Variants in RUNX2 observed in about 807,000 individuals in gnomAD.
The protein encoded by RUNX2 is RUNX family transcription factor 2.
RUNX2 carries 10 observed loss-of-function variants against 51.7 expected under a neutral mutation model. The ratio of observed to expected loss-of-function variants is 0.19; its 90% CI spans 0.12 to 0.33. The LOEUF is 0.33. Ranked by LOEUF, RUNX2 falls within the 10% of genes least tolerant of loss-of-function variation. RUNX2 has a pLI of 1.00. For synonymous variants in RUNX2, 276 were observed against 273.6 expected (o/e 1.01, Z -0.09); for missense variants, 562 against 691.3 (o/e 0.81, Z 2.10).
In RUNX2 at chr6:45,540,686, G is replaced by A. The variant is rs1260105805; in HGVS notation, c.1022-4531G>A. On this transcript the variant is annotated intron_variant, in intron 7 of 8. Coordinates refer to ENST00000647337, the MANE Select transcript of RUNX2 (RefSeq NM_001024630.4). ...TAAAGATTATGATCTTAGTGGCAGC[G>A]ATTAACCCAGGATCATAAGGAAGGA... 4.6e-5 allele frequency among the ~76,000 whole-genome samples: 7 copies of A among 152,146 alleles called. No homozygotes were observed. In the East Asian group the frequency reaches 1.2e-3, roughly 25 times the overall value.
At chr6:45,391,469 CT>C (rs1185034654) in intron 2 of RUNX2, among the ~76,000 whole-genome samples, 2 of 152,272 alleles carry the variant, frequency 1.3e-5, no homozygotes, top group South Asian at 2.1e-4. Flanking sequence ...CCAATTAAAC[CT>C]TTTTTCTTTA....
At chr6:45,369,218 A>G (rs1795641094) in intron 2 of RUNX2, among the ~76,000 whole-genome samples, 1 of 151,992 alleles carries the variant, frequency 6.6e-6, no homozygotes, top group Non-Finnish European at 1.5e-5. Flanking sequence ...AACTTTCACT[A>G]TCTCCAGAAC....
At chr6:45,382,422 G>C (rs1206301573) in intron 2 of RUNX2, among the ~76,000 whole-genome samples, 1 of 152,208 alleles carries the variant, frequency 6.6e-6, no homozygotes, top group Admixed American at 6.5e-5. Flanking sequence ...AGGAGAAATG[G>C]GGAAGATGTC....
In RUNX2 at chr6:45,545,230, C is replaced by A; in HGVS notation, c.1035C>A (p.Ala345=). The part of the protein sequence containing the change: ...VPRRISDDDT[A]TSDFCLWPST... ...CTCATTTTACAGATGATGACACTGC[C>A]ACCTCTGACTTCTGCCTCTGGCCTT... Residue 345 remains alanine, a synonymous_variant, in exon 8 of 9, where the codon GCC becomes GCA. Coordinates refer to ENST00000647337, the MANE Select transcript of RUNX2 (RefSeq NM_001024630.4). 1 of 1,549,588 alleles carries A rather than the reference C, an allele frequency of 6.5e-7. No individual in the cohort carries two copies. Among genetic ancestry groups the A allele is most frequent in the Non-Finnish European group, 8.7e-7 (1 of 1,146,720 alleles).
At position 45,404,129 on chromosome 6, in the gene RUNX2, G is replaced by A. The variant is rs142820516; in HGVS notation, c.59-18464G>A. 1.6e-3 allele frequency among the ~76,000 whole-genome samples: 237 copies of A among 151,648 alleles called. 1 individual carries two copies. The highest frequency in any genetic ancestry group is 5.1e-3 in the African/African-American group (210 of 41,334). On this transcript the variant is annotated intron_variant, in intron 2 of 8. Coordinates refer to ENST00000647337, the MANE Select transcript of RUNX2 (RefSeq NM_001024630.4). ...ACAAAAATTAGCCGGGTGCGGTGGC[G>A]TGTGCCTGTAGTCCCAGTTACTAGG...
chr6:45,420,058 A>G (rs1039445284), intron 2 of RUNX2, among the ~76,000 whole-genome samples: 2 of 151,976 alleles, frequency 1.3e-5, no homozygotes, highest in Non-Finnish European at 2.9e-5. Context: ...GTAAAAATAA[A>G]GCCCCAATTA....
intron 6 of RUNX2, among the ~76,000 whole-genome samples, chr6:45,503,894 C>T (rs1219927317): frequency 6.6e-6 from 1 of 152,126 alleles, no homozygotes; most frequent in South Asian, 2.1e-4. Flanking sequence ...CCATACATAT[C>T]GTTTTTCATT....
intron 6 of RUNX2, among the ~76,000 whole-genome samples, chr6:45,507,481 T>C (rs536864667): frequency 2.0e-5 from 3 of 152,204 alleles, no homozygotes; most frequent in Non-Finnish European, 4.4e-5. Context: ...AAGGTGACTT[T>C]CCTCTACTAT....
At position 45,544,822 on chromosome 6, in the gene RUNX2, G is replaced by A. The variant is rs534024675; in HGVS notation, c.1022-395G>A. On this transcript the variant is annotated intron_variant, in intron 7 of 8. Transcript: ENST00000647337. ...GAGGCAGGGCACAAGCACTGGGCGG[G>A]GGAAATGTTATGGAGCATCTGCTCC... is the stretch of plus-strand genomic sequence containing the variant. 5.3e-5 allele frequency among the ~76,000 whole-genome samples: 8 copies of A among 152,316 alleles called. No individual in the cohort carries two copies. The East Asian group carries it at 1.5e-3, about 29-fold the overall frequency.
chr6:45,500,770 T>G (rs1800780105), intron 6 of RUNX2, among the ~76,000 whole-genome samples: 1 of 152,168 alleles, frequency 6.6e-6, no homozygotes, highest in Non-Finnish European at 1.5e-5. Flanking sequence ...TCTCCCACAG[T>G]GGTTACAGTT....
chr6:45,546,732 C>A, intron 8 of RUNX2, 95 bp from the exon 9 acceptor site: 1 of 1,129,696 alleles, frequency 8.9e-7, no homozygotes, highest in Non-Finnish European at 1.3e-6. Context: ...TATGGGAAAG[C>A]TAAAGTTTTC....
intron 5 of RUNX2, among the ~76,000 whole-genome samples, chr6:45,464,709 T>C (rs898893665): frequency 5.9e-5 from 9 of 152,264 alleles, no homozygotes; most frequent in African/African-American, 2.2e-4. Context: ...CTAGGTAGCC[T>C]GTTCATTCAC....
chr6:45,328,894 T>C (rs563650078), intron 2 of RUNX2, 110 bp downstream of exon 2: 2 of 1,114,812 alleles, frequency 1.8e-6, no homozygotes, highest in South Asian at 1.3e-5. Flanking sequence ...AAGATCCTAA[T>C]TATGCTATCT....
intron 1 of RUNX2, 100 bp downstream of exon 1, chr6:45,328,560 A>C: frequency 1.9e-6 from 3 of 1,580,480 alleles, no homozygotes; most frequent in Non-Finnish European, 1.7e-6. Flanking sequence ...ACATGTTACC[A>C]GCTACATAAT....
intron 2 of RUNX2, among the ~76,000 whole-genome samples, chr6:45,415,142 A>G (rs868485105): frequency 4.6e-5 from 7 of 152,180 alleles, no homozygotes; most frequent in African/African-American, 1.4e-4. Flanking sequence ...CAGAAAATGG[A>G]AACCTTAGCA....
At chr6:45,395,229 T>C (rs529184997) in intron 2 of RUNX2, among the ~76,000 whole-genome samples, 5 of 152,028 alleles carry the variant, frequency 3.3e-5, no homozygotes, top group African/African-American at 9.7e-5. Context: ...GCTTTTTTTC[T>C]TGTGAGAGTG....
chr6:45,543,143 G>A (rs553188367), intron 7 of RUNX2, among the ~76,000 whole-genome samples: 1 of 152,272 alleles, frequency 6.6e-6, no homozygotes, highest in South Asian at 2.1e-4. Context: ...ATTGTATAGT[G>A]TATTATTTTC....
intron 7 of RUNX2, among the ~76,000 whole-genome samples, chr6:45,520,958 C>T (rs955028180): frequency 2.6e-5 from 4 of 152,178 alleles, no homozygotes; most frequent in Non-Finnish European, 5.9e-5. Context: ...TCAGTTGATC[C>T]ACCCGCCTCG....
chr6:45,483,662 C>T (rs953787054), intron 5 of RUNX2, among the ~76,000 whole-genome samples: 1 of 152,182 alleles, frequency 6.6e-6, no homozygotes, highest in Non-Finnish European at 1.5e-5. Context: ...ACATAGTTGT[C>T]GCTGCTGTCA....
Sources: gnomAD v4.1 joint callset for allele counts (sites outside exome capture counted in the v4.1 genomes callset) on GRCh38, gnomAD v4.1.1 for gene constraint, MANE v1.5 for transcripts, NCBI Gene and HGNC (gene_info 2026-07-23, HGNC 2026-07-21) for gene names.